OTOR: variants seen among roughly 807,000 people sequenced by gnomAD.
The protein encoded by OTOR is fibrocyte-derived protein.
In OTOR, 20 loss-of-function variants were observed where a neutral mutation model predicts 15.9. The ratio of observed to expected loss-of-function variants is 1.26; its 90% CI spans 0.89 to 1.83. The LOEUF (loss-of-function observed/expected upper bound fraction) is 1.83. Ranked by LOEUF, OTOR falls within the 40% of genes most tolerant of loss-of-function variation. OTOR has a pLI of 0.00. For synonymous variants in OTOR, 53 were observed against 54.2 expected (o/e 0.98, Z 0.09); for missense variants, 184 against 159.0 (o/e 1.16, Z -0.85).
At position 16,749,994 on chromosome 20, in the gene OTOR, A is replaced by G. The variant is rs1229617359; in HGVS notation, c.347A>G (p.Lys116Arg). 1.2e-6 allele frequency: 2 copies of G among 1,611,504 alleles called. No homozygotes were observed. The highest frequency in any genetic ancestry group is 1.3e-5 in the African/African-American group (1 of 74,996). The change falls in exon 3 of 4, where the codon AAG (lysine) becomes AGG (arginine). Residue 116 changes from lysine to arginine, a missense_variant. Transcript: ENST00000246081. The part of the protein sequence containing the change: ...KEQRVYQEAT[K>R]EVPTTDIDFF... ...CAGCGTGTGTACCAGGAAGCTACCA[A>G]GGAAGTTCCCACCACGGTAAGCATC...
chr20:16,751,061 C>G (rs191855856), intron 3 of OTOR, 34 bp from the exon 4 acceptor site: 2 of 1,497,146 alleles, frequency 1.3e-6, no homozygotes, highest in Admixed American at 2.2e-5. Context: ...TAGGCTATTT[C>G]GTTCAATCTT....
chr20:16,751,853 A>G lies in OTOR; in HGVS notation c.*735A>G, dbSNP rs578235422. 1 of 152,138 alleles carries G rather than the reference A, an allele frequency of 6.6e-6. No individual in the cohort carries two copies. Among genetic ancestry groups the G allele is most frequent in the Non-Finnish European group, 1.5e-5 (1 of 68,034 alleles). 9.4% of individuals were successfully genotyped at this position (152,138 alleles called of 1,614,324 possible). On this transcript the variant is annotated 3_prime_UTR_variant, in exon 4 of 4. Transcript: ENST00000246081. The stretch of plus-strand genomic sequence containing the variant: ...TTTTTAATGGAATAGTTTTCCCTTA[A>G]TATGTATCCTTGCTGGATATTATTC...
Position 16,751,143 on chromosome 20 carries a change from A to G in OTOR, c.*25A>G, listed in dbSNP as rs1600231439. 1 of 1,479,588 alleles carries G rather than the reference A, an allele frequency of 6.8e-7. No individual in the cohort carries two copies. Among genetic ancestry groups the G allele is most frequent in the Non-Finnish European group, 9.2e-7 (1 of 1,090,178 alleles). 91.7% of individuals were successfully genotyped at this position (1,479,588 alleles called of 1,614,324 possible). On this transcript the variant is annotated 3_prime_UTR_variant, in exon 4 of 4. Coordinates refer to ENST00000246081, the MANE Select transcript of OTOR (RefSeq NM_020157.4). ...ATAAATTAGTTAAAACTGCAAATAGAAAGAAAACACCAAAAATAAAGAAAA... is the reference window on the plus strand; with the variant it reads ...ATAAATTAGTTAAAACTGCAAATAGGAAGAAAACACCAAAAATAAAGAAAA...
Position 16,750,910 on chromosome 20 carries a change from G to A in OTOR, c.364-185G>A, listed in dbSNP as rs76996323. ...AACTGCAAATTAAAGGTTCATTTTA[G>A]GACCTTCATTGTAAGTAGTTTTTGA... On this transcript the variant is annotated intron_variant, in intron 3 of 3. Coordinates refer to ENST00000246081, the MANE Select transcript of OTOR (RefSeq NM_020157.4). Among the ~76,000 whole-genome samples, 339 of 152,200 alleles carry A rather than the reference G, an allele frequency of 2.2e-3. 1 individual carries two copies. Among genetic ancestry groups the A allele is most frequent in the African/African-American group, 7.7e-3 (319 of 41,546 alleles).
rs755331029 is a variant in OTOR at position 16,748,854 on chromosome 20, T to A, written c.116-13T>A. ...AGCCTAAAATGTAATCATTTAAATT[T>A]TTTTTCTTCCAGATACTATTTCTCT... On this transcript the variant is annotated splice_polypyrimidine_tract_variant and intron_variant, in intron 1 of 3. Transcript: ENST00000246081. The A allele has an allele frequency of 6.4e-7, 1 of 1,556,326 alleles. No individual in the cohort carries two copies. Among genetic ancestry groups the A allele is most frequent in the Non-Finnish European group, 8.6e-7 (1 of 1,159,018 alleles).
At chr20:16,749,112 A>G in intron 2 of OTOR, 106 bp downstream of exon 2, 2 of 714,690 alleles carry the variant, frequency 2.8e-6, no homozygotes, top group Non-Finnish European at 4.1e-6. Context: ...AGAACCATGT[A>G]GTGATTGTAG....
chr20:16,748,655 C>A, intron 1 of OTOR, 139 bp downstream of exon 1: 1 of 700,888 alleles, frequency 1.4e-6, no homozygotes, highest in Non-Finnish European at 2.4e-6. Context: ...TTCTGGTCTG[C>A]ATGTTTGGTA....
chr20:16,748,714 T>C (rs1042599506), intron 1 of OTOR, among the ~76,000 whole-genome samples, 153 bp from the exon 2 acceptor site: 1 of 152,220 alleles, frequency 6.6e-6, no homozygotes. Context: ...AGCTTTAATA[T>C]CTTGGCTGTC....
chr20:16,749,139 TCA>T (rs1600230518), intron 2 of OTOR, 133 bp downstream of exon 2: 1 of 515,480 alleles, frequency 1.9e-6, no homozygotes, highest in Non-Finnish European at 3.1e-6. Context: ...ATGCAAAAAT[TCA>T]GGTATATTTG....
In OTOR at chr20:16,748,438, G is replaced by A; in HGVS notation, c.37G>A (p.Val13Met). 6.2e-7 allele frequency: 1 copy of A among 1,613,646 alleles called. No homozygotes were observed. The highest frequency in any genetic ancestry group is 1.1e-5 in the South Asian group (1 of 91,074). The change falls in exon 1 of 4, where the codon GTG becomes ATG. Residue 13 changes from valine to methionine, a missense_variant. Coordinates refer to ENST00000246081, the MANE Select transcript of OTOR (RefSeq NM_020157.4). ...ATTGTTACTTTTCCTCCCGGGTCTT[G>A]TGGCTGTATGTGCTGTGCATGGAAT... ...RILLLFLPGL[V>M]AVCAVHGIFM... is the part of the protein sequence containing the mutation.
chr20:16,748,561 T>A, intron 1 of OTOR, 45 bp downstream of exon 1: 2 of 1,111,624 alleles, frequency 1.8e-6, no homozygotes, highest in Non-Finnish European at 2.7e-6. Context: ...ATTACATAAT[T>A]GAAAATATAT....
chr20:16,750,093 C>A, intron 3 of OTOR, 83 bp downstream of exon 3: 3 of 893,874 alleles, frequency 3.4e-6, no homozygotes, highest in Non-Finnish European at 5.5e-6. Context: ...ATGCAACTTA[C>A]AAGTTGTATA....
chr20:16,748,597 T>C, intron 1 of OTOR, 81 bp downstream of exon 1: 3 of 886,864 alleles, frequency 3.4e-6, no homozygotes, highest in South Asian at 3.0e-5. Flanking sequence ...AATCGAATTA[T>C]ACTTTGAAGT....
rs1233863502 is a variant in OTOR, at chr20:16,751,520, G to C, written c.*402G>C. On this transcript the variant is annotated 3_prime_UTR_variant, in exon 4 of 4. Transcript: ENST00000246081. Reference sequence around the variant, plus strand: ...AGGTGGGTCGTATGTCTTCCCTTTAGACATGATGTTTTCTACTCATTTGTC... The same window carrying C: ...AGGTGGGTCGTATGTCTTCCCTTTACACATGATGTTTTCTACTCATTTGTC... 6.1e-6 allele frequency: 1 copy of C among 163,324 alleles called. No homozygotes were observed. The highest frequency in any genetic ancestry group is 6.4e-5 in the Admixed American group (1 of 15,632). 10.1% of individuals were successfully genotyped at this position (163,324 alleles called of 1,614,324 possible). A position where few individuals can be genotyped will look rare whatever the true frequency, so the allele number is the denominator to read the frequency against.
chr20:16,748,632 T>C (rs997766669), intron 1 of OTOR, 116 bp downstream of exon 1: 3 of 746,992 alleles, frequency 4.0e-6, no homozygotes, highest in South Asian at 3.6e-5. Context: ...GTGTATGTTA[T>C]CAGCTTTGTT....
In OTOR at chr20:16,748,851, A is replaced by T. The variant is rs935648070; in HGVS notation, c.116-16A>T. 17 of 1,550,016 alleles carry T rather than the reference A, an allele frequency of 1.1e-5. No individual in the cohort carries two copies. The highest frequency in any genetic ancestry group is 1.7e-4 in the Middle Eastern group (1 of 5,768). On this transcript the variant is annotated splice_polypyrimidine_tract_variant and intron_variant, in intron 1 of 3. Transcript: ENST00000246081. ...AGGAGCCTAAAATGTAATCATTTAA[A>T]TTTTTTTTCTTCCAGATACTATTTC...
chr20:16,749,266 T>C (rs1029258280), intron 2 of OTOR: 8 of 294,048 alleles, frequency 2.7e-5, no homozygotes, highest in African/African-American at 1.5e-4. Context: ...TCCCAAAGAA[T>C]TTGAATCTTA....
rs368820426 is a variant in OTOR, at chr20:16,748,928, C to T, written c.177C>T (p.Asn59=). 12 of 1,610,996 alleles carry T rather than the reference C, an allele frequency of 7.4e-6. No homozygotes were observed. Among genetic ancestry groups the T allele is most frequent in the South Asian group, 1.1e-5 (1 of 90,764 alleles). The change falls in exon 2 of 4, where the codon AAC becomes AAT. Residue 59 remains asparagine (N), a synonymous_variant. Transcript: ENST00000246081. The part of the protein sequence containing the change: ...DYNAPDCRFI[N]VKKGQQIYVY... The stretch of plus-strand genomic sequence containing the variant: ...ATGCCCCGGACTGTAGATTCATTAA[C>T]GTTAAAAAAGGGCAGCAGATCTATG...
chr20:16,749,076 A>G, intron 2 of OTOR, 70 bp downstream of exon 2: 3 of 1,141,780 alleles, frequency 2.6e-6, no homozygotes, highest in African/African-American at 1.6e-5. Context: ...CCTTCAACCT[A>G]TTTTAATGCT....
Sources: allele counts gnomAD v4.1 joint callset (sites outside exome capture counted in the v4.1 genomes callset), GRCh38; gene constraint gnomAD v4.1.1; transcripts MANE v1.5; gene names NCBI Gene and HGNC (gene_info 2026-07-23, HGNC 2026-07-21).